Variants in ZNF488 observed in about 807,000 individuals in gnomAD.
ZNF488 encodes zinc finger protein 488.
ZNF488 carries 1 observed loss-of-function variant against 1.2 expected under a neutral mutation model. The observed-to-expected ratio is 0.86, with a 90% CI of 0.30 to 4.07. The LOEUF (loss-of-function observed/expected upper bound fraction) is 4.07, where lower values mean the gene tolerates loss of function less well. Ranked by LOEUF, ZNF488 falls within the 30% of genes most tolerant of loss-of-function variation. The probability of loss-of-function intolerance (pLI) is 0.18; values close to 1 mark genes in which losing one functional copy is unlikely to be tolerated. For missense variants in ZNF488, 450 were observed against 437.9 expected (o/e 1.03, Z -0.25); for synonymous variants, 185 against 190.1 (o/e 0.97, Z 0.22).
chr10:47,379,534 C>G (rs75771469), intron 1 of ZNF488, among the ~76,000 whole-genome samples: 2 of 113,376 alleles, frequency 1.8e-5, no homozygotes, highest in African/African-American at 6.8e-5. Flanking sequence ...TCACCGCTGT[C>G]GCATGCATCA....
chr10:47,383,416 C>G (rs782092997), intron 1 of ZNF488, among the ~76,000 whole-genome samples: 2 of 152,202 alleles, frequency 1.3e-5, no homozygotes, highest in East Asian at 3.9e-4. Flanking sequence ...TGTCCCCTCC[C>G]TCCCCTGCAC....
chr10:47,377,394 CCTT>C (rs1380701485), intron 1 of ZNF488, among the ~76,000 whole-genome samples: 3 of 152,122 alleles, frequency 2.0e-5, no homozygotes, highest in Non-Finnish European at 4.4e-5. Flanking sequence ...GCCACCATAA[CCTT>C]CTAATTAATT....
intron 1 of ZNF488, among the ~76,000 whole-genome samples, chr10:47,373,046 G>A (rs1422871471): frequency 2.6e-5 from 4 of 152,310 alleles, no homozygotes; most frequent in East Asian, 3.9e-4. Flanking sequence ...GCCTTGGCGT[G>A]TCATGGGGCC....
intron 1 of ZNF488, among the ~76,000 whole-genome samples, chr10:47,377,058 G>A (rs1221156099): frequency 2.6e-5 from 4 of 152,204 alleles, no homozygotes; most frequent in African/African-American, 9.6e-5. Context: ...TGGACTGTTG[G>A]TCCCTGGGGA....
chr10:47,367,803 C>A lies in ZNF488; in HGVS notation c.*4G>T. On this transcript the variant is annotated 3_prime_UTR_variant, in exon 2 of 2. Transcript: ENST00000585316. ...CACCCAGCAGGTCATTCTGCGGTCA[C>A]CTGCTAGCTGTGAGAAGTCATGTGC... The A allele has an allele frequency of 6.2e-7, 1 of 1,605,366 alleles. No homozygotes were observed. Among genetic ancestry groups the A allele is most frequent in the Non-Finnish European group, 8.5e-7 (1 of 1,175,976 alleles).
chr10:47,373,897 C>G (rs1837574167), intron 1 of ZNF488, among the ~76,000 whole-genome samples: 1 of 152,228 alleles, frequency 6.6e-6, no homozygotes, highest in African/African-American at 2.4e-5. Flanking sequence ...GAGAGAACAC[C>G]AAACATTCTG....
At chr10:47,374,425 T>C (rs1555214190) in intron 1 of ZNF488, among the ~76,000 whole-genome samples, 1 of 151,902 alleles carries the variant, frequency 6.6e-6, no homozygotes, top group Non-Finnish European at 1.5e-5. Flanking sequence ...CTAAAAGAGG[T>C]GGATTAATAG....
intron 1 of ZNF488, among the ~76,000 whole-genome samples, chr10:47,375,017 G>C (rs1837625259): frequency 6.6e-6 from 1 of 152,220 alleles, no homozygotes; most frequent in Non-Finnish European, 1.5e-5. Flanking sequence ...CTGTTACTGT[G>C]GCACTTAATA....
chr10:47,373,166 A>G (rs1160878592), intron 1 of ZNF488, among the ~76,000 whole-genome samples: 1 of 152,200 alleles, frequency 6.6e-6, no homozygotes, highest in East Asian at 1.9e-4. Context: ...GTAAGAAATT[A>G]GGTCCATGCA....
At chr10:47,372,678 T>C (rs949951332) in intron 1 of ZNF488, among the ~76,000 whole-genome samples, 7 of 152,148 alleles carry the variant, frequency 4.6e-5, no homozygotes, top group Non-Finnish European at 1.0e-4. Flanking sequence ...AGAAAGTGCA[T>C]GAGAAAACTT....
chr10:47,375,479 T>C (rs1837646704), intron 1 of ZNF488, among the ~76,000 whole-genome samples: 1 of 152,252 alleles, frequency 6.6e-6, no homozygotes, highest in Non-Finnish European at 1.5e-5. Context: ...TTTCTTGTTT[T>C]GTTCATTGTC....
intron 1 of ZNF488, among the ~76,000 whole-genome samples, chr10:47,373,955 C>G (rs1451766674): frequency 6.6e-6 from 1 of 152,238 alleles, no homozygotes; most frequent in Non-Finnish European, 1.5e-5. Context: ...CATGCCTTCA[C>G]CAGATGTTGA....
rs1555213157 is a variant in ZNF488, at chr10:47,368,130, G to GA, written c.699dup (p.Leu234SerfsTer73). The stretch of plus-strand genomic sequence containing the variant: ...TCCAGCCACAGTGTAGGGGCACCCA[G>GA]AAAAGTGCTACAGAGTGGAGCATTC... On this transcript the variant is annotated frameshift_variant, in exon 2 of 2. Coordinates refer to ENST00000585316, the MANE Select transcript of ZNF488 (RefSeq NM_153034.4). LOFTEE classifies it low-confidence loss of function (END_TRUNC). 6.2e-7 allele frequency: 1 copy of GA among 1,614,206 alleles called. No homozygotes were observed. Among genetic ancestry groups the GA allele is most frequent in the East Asian group, 2.2e-5 (1 of 44,860 alleles).
At position 47,377,765 on chromosome 10, in the gene ZNF488, A is replaced by G. The variant is rs782762402; in HGVS notation, c.-109+6455T>C. ...GCTCAGCCCTGCCCCTGCACCTGTCAGCATCTAGCAGCAGCTGCCACATTC... is the reference window on the plus strand; with the variant it reads ...GCTCAGCCCTGCCCCTGCACCTGTCGGCATCTAGCAGCAGCTGCCACATTC... On this transcript the variant is annotated intron_variant, in intron 1 of 1. Transcript: ENST00000585316. Among the ~76,000 whole-genome samples, 9 of 150,684 alleles carry G rather than the reference A, an allele frequency of 6.0e-5. 1 individual carries two copies. In the South Asian group the frequency reaches 1.0e-3, roughly 18 times the overall value.
rs76499130 is a variant in ZNF488 at position 47,375,247 on chromosome 10, A to T, written c.-108-6310T>A. On this transcript the variant is annotated intron_variant, in intron 1 of 1. Transcript: ENST00000585316. ...ACAAACTTACAGTCAAAGAAGTTATATTAAAAACACAGGCAATACATACTC... is the reference window on the plus strand; with the variant it reads ...ACAAACTTACAGTCAAAGAAGTTATTTTAAAAACACAGGCAATACATACTC... Among the ~76,000 whole-genome samples the T allele has an allele frequency of 6.7e-3, 1,022 of 152,356 alleles. 20 individuals are homozygous for T. Among genetic ancestry groups the T allele is most frequent in the African/African-American group, 0.023 (963 of 41,574 alleles).
chr10:47,377,126 G>GGGGTGGACTGCA (rs1837708426), intron 1 of ZNF488, among the ~76,000 whole-genome samples: 2 of 152,204 alleles, frequency 1.3e-5, no homozygotes, highest in South Asian at 4.1e-4. Flanking sequence ...CAGGAAGAGT[G>GGGGTGGACTGCA]GGGTGGACTG....
rs1187069797 is a variant in ZNF488, at chr10:47,366,297, T to C, written c.*1510A>G. 6.0e-6 allele frequency: 1 copy of C among 167,244 alleles called. No homozygotes were observed. The highest frequency in any genetic ancestry group is 1.5e-5 in the Non-Finnish European group (1 of 68,292). 10.4% of individuals were successfully genotyped at this position (167,244 alleles called of 1,614,324 possible). A position where few individuals can be genotyped will look rare whatever the true frequency, so the allele number is the denominator to read the frequency against. The stretch of plus-strand genomic sequence containing the variant: ...ACTTTCAGAAGATTATCTGGTTGTG[T>C]GTGTGTGGACAATGGATGCGTGCAT... On this transcript the variant is annotated 3_prime_UTR_variant, in exon 2 of 2. Transcript: ENST00000585316.
In ZNF488 at chr10:47,366,538, A is replaced by G. The variant is rs1318389809; in HGVS notation, c.*1269T>C. 1 of 167,090 alleles carries G rather than the reference A, an allele frequency of 6.0e-6. No individual in the cohort carries two copies. The highest frequency in any genetic ancestry group is 2.4e-5 in the African/African-American group (1 of 41,432). The allele number at this position is 167,090 out of a possible 1,614,324, so 10.4% of individuals were successfully genotyped here. A position where few individuals can be genotyped will look rare whatever the true frequency, so the allele number is the denominator to read the frequency against. On this transcript the variant is annotated 3_prime_UTR_variant, in exon 2 of 2. Coordinates refer to ENST00000585316, the MANE Select transcript of ZNF488 (RefSeq NM_153034.4). ...CTGGAAACTGCATATCAAAAGAACA[A>G]TATCTGACAGTGAGGTGGAAACCAG...
chr10:47,369,074 A>G (rs1310751591), intron 1 of ZNF488, 137 bp from the exon 2 acceptor site: 5 of 509,256 alleles, frequency 9.8e-6, no homozygotes, highest in Non-Finnish European at 1.7e-5. Flanking sequence ...TGACTGCACC[A>G]CCTCTCAGGA....
Sources: allele counts gnomAD v4.1 joint callset (sites outside exome capture counted in the v4.1 genomes callset), GRCh38; gene constraint gnomAD v4.1.1; transcripts MANE v1.5; gene names NCBI Gene and HGNC (gene_info 2026-07-23, HGNC 2026-07-21).